CHD7: variants seen among roughly 807,000 people sequenced by gnomAD.
CHD7 encodes ATP-dependent chromatin remodeler CHD7.
CHD7 carries 24 observed loss-of-function variants against 307.3 expected under a neutral mutation model. That is an observed-to-expected ratio of 0.08 (90% CI 0.06 to 0.11). CHD7 has a LOEUF of 0.11. Ranked by LOEUF, CHD7 falls within the 10% of genes least tolerant of loss-of-function variation. The pLI is 1.00. For synonymous variants in CHD7, 1,363 were observed against 1,349.9 expected, an observed-to-expected ratio of 1.01 and a Z score of -0.21; for missense variants, 3,106 against 3,727.1, an observed-to-expected ratio of 0.83 and a Z score of 4.34.
intron 2 of CHD7, among the ~76,000 whole-genome samples, chr8:60,773,887 G>A (rs1378381085): frequency 1.3e-5 from 2 of 152,196 alleles, no homozygotes; most frequent in African/African-American, 4.8e-5. Flanking sequence ...AAAGGTTAGT[G>A]ATTCTCTACA....
chr8:60,844,800 C>T, intron 21 of CHD7, 64 bp from the exon 22 acceptor site: 1 of 1,391,378 alleles, frequency 7.2e-7, no homozygotes, highest in South Asian at 1.5e-5. Flanking sequence ...TGGTACCTGA[C>T]TTAAAGTAAA....
rs887547990 is a variant in CHD7, at chr8:60,851,938, T to G, written c.5666-81T>G. 4.4e-6 allele frequency: 4 copies of G among 911,484 alleles called. No individual in the cohort carries two copies. In the African/African-American group the frequency reaches 5.0e-5, roughly 11 times the overall value. 56.5% of individuals were successfully genotyped at this position (911,484 alleles called of 1,614,324 possible). On this transcript the variant is annotated intron_variant, in intron 28 of 37. Transcript: ENST00000423902. ...TCCCACACTGTCATTTGAATCTTAATGAGTCATCCTGTTTTGTTGGAATAC... is the reference window on the plus strand; with the variant it reads ...TCCCACACTGTCATTTGAATCTTAAGGAGTCATCCTGTTTTGTTGGAATAC...
rs1219428295 is a variant in CHD7 at position 60,781,464 on chromosome 8, A to C, written c.2096+34A>C. ...TGGGCAGAAAAAACAACTGCAAAAC[A>C]TTGAGAGTACAGAAATTAGCGCCAA... On this transcript the variant is annotated intron_variant, in intron 3 of 37. Transcript: ENST00000423902. The C allele has an allele frequency of 4.0e-6, 6 of 1,498,800 alleles. No homozygotes were observed. In the Admixed American group the frequency reaches 1.1e-4, roughly 28 times the overall value. 92.8% of individuals were successfully genotyped at this position (1,498,800 alleles called of 1,614,324 possible). A position where few individuals can be genotyped will look rare whatever the true frequency, so the allele number is the denominator to read the frequency against.
At chr8:60,834,005 A>AT (rs1804639286) in intron 15 of CHD7, among the ~76,000 whole-genome samples, 1 of 152,250 alleles carries the variant, frequency 6.6e-6, no homozygotes, top group African/African-American at 2.4e-5. Context: ...ACCTGAATTC[A>AT]TAACAGAGAG....
Position 60,819,223 on chromosome 8 carries a change from G to C in CHD7, c.2614-784G>C, listed in dbSNP as rs201521739. Among the ~76,000 whole-genome samples, 31 of 152,318 alleles carry C rather than the reference G, an allele frequency of 2.0e-4. No individual in the cohort carries two copies. In the East Asian group the frequency reaches 4.6e-3, roughly 23 times the overall value. On this transcript the variant is annotated intron_variant, in intron 8 of 37. Transcript: ENST00000423902. ...CTGCCTTGGCCTCCCAAAGTGCTGAGATTACAGGCGTGAGTCACTGTGCCC... is the reference window on the plus strand; with the variant it reads ...CTGCCTTGGCCTCCCAAAGTGCTGACATTACAGGCGTGAGTCACTGTGCCC...
At chr8:60,688,357 T>C (rs1056965088) in intron 1 of CHD7, among the ~76,000 whole-genome samples, 7 of 152,368 alleles carry the variant, frequency 4.6e-5, no homozygotes, top group Non-Finnish European at 8.8e-5. Context: ...GTTACTATTT[T>C]TATTAGTTCA....
chr8:60,793,312 C>T (rs563785612), intron 3 of CHD7, among the ~76,000 whole-genome samples: 4 of 151,918 alleles, frequency 2.6e-5, no homozygotes, highest in Admixed American at 1.3e-4. Context: ...TTTTAGAGCA[C>T]GGCCTTTTTT....
Position 60,856,621 on chromosome 8 carries a change from C to T in CHD7, c.7341C>T (p.Ala2447=), listed in dbSNP as rs1805728434. Residue 2447 remains alanine, a synonymous_variant, in exon 34 of 38, where the codon GCC becomes GCT. Coordinates refer to ENST00000423902, the MANE Select transcript of CHD7 (RefSeq NM_017780.4). ...GQEKVVDLSK[A]SREATSSTSN... is the part of the protein sequence containing the mutation. ...AAAAAGTTGTAGATTTATCAAAGGCCTCAAGAGAGGCAACAAGCTCTACCT... is the reference window on the plus strand; with the variant it reads ...AAAAAGTTGTAGATTTATCAAAGGCTTCAAGAGAGGCAACAAGCTCTACCT... 6.2e-7 allele frequency: 1 copy of T among 1,613,918 alleles called. No homozygotes were observed. The highest frequency in any genetic ancestry group is 1.3e-5 in the African/African-American group (1 of 74,932).
chr8:60,686,527 G>T (rs1805900693), intron 1 of CHD7, among the ~76,000 whole-genome samples: 1 of 152,204 alleles, frequency 6.6e-6, no homozygotes, highest in Non-Finnish European at 1.5e-5. Context: ...TTTGGGGCCT[G>T]CCTTCTCTCC....
At chr8:60,773,401 G>A (rs1810805682) in intron 2 of CHD7, among the ~76,000 whole-genome samples, 1 of 152,160 alleles carries the variant, frequency 6.6e-6, no homozygotes, top group Admixed American at 6.5e-5. Context: ...CATCATTCAA[G>A]TCTTGTATAA....
chr8:60,758,608 T>C (rs1679963561), intron 2 of CHD7, among the ~76,000 whole-genome samples: 1 of 152,230 alleles, frequency 6.6e-6, no homozygotes, highest in Non-Finnish European at 1.5e-5. Context: ...TGGCTCACTT[T>C]ATTTCAAGAG....
At chr8:60,801,260 A>G (rs772633836) in intron 5 of CHD7, among the ~76,000 whole-genome samples, 5 of 152,174 alleles carry the variant, frequency 3.3e-5, no homozygotes, top group Admixed American at 6.5e-5. Context: ...TGGTGGCTAG[A>G]ATTTCTGATT....
chr8:60,752,101 A>G (rs534251482), intron 2 of CHD7, among the ~76,000 whole-genome samples: 1 of 152,292 alleles, frequency 6.6e-6, no homozygotes, highest in East Asian at 1.9e-4. Flanking sequence ...TTTAGTTCTA[A>G]ATCATTCTGT....
chr8:60,841,599 C>A, intron 19 of CHD7, 45 bp from the exon 20 acceptor site: 1 of 1,448,012 alleles, frequency 6.9e-7, no homozygotes, highest in Non-Finnish European at 9.7e-7. Flanking sequence ...CATTCTGCTT[C>A]TGAGAAAGGC....
chr8:60,741,457 CT>C lies in CHD7; in HGVS notation c.30del (p.Phe10LeufsTer25). Reference sequence around the variant, plus strand: ...GATGGCAGATCCAGGAATGATGAGTCTTTTTGGCGAGGATGGGAATATTTTC... The same window carrying C: ...GATGGCAGATCCAGGAATGATGAGTCTTTTGGCGAGGATGGGAATATTTTC... MADPGMMS[L>X]FGEDGNIFSE... On this transcript the variant is annotated frameshift_variant, in exon 2 of 38. Transcript: ENST00000423902. LOFTEE classifies it high-confidence loss of function. The C allele has an allele frequency of 6.2e-7, 1 of 1,609,034 alleles. No individual in the cohort carries two copies.
At position 60,820,048 on chromosome 8, in the gene CHD7, C is replaced by T; in HGVS notation, c.2655C>T (p.Asp885=). The part of the protein sequence containing the change: ...ELFNPDYVEV[D]RIMDFARSTD... ...TTAATCCAGATTATGTGGAGGTTGA[C>T]CGGATAATGGACTTTGCACGTAGCA... The change falls in exon 9 of 38, where the codon GAC becomes GAT. Residue 885 remains aspartate (D), a synonymous_variant. Coordinates refer to ENST00000423902, the MANE Select transcript of CHD7 (RefSeq NM_017780.4). The T allele has an allele frequency of 1.2e-6, 2 of 1,610,762 alleles. No individual in the cohort carries two copies. The highest frequency in any genetic ancestry group is 1.7e-6 in the Non-Finnish European group (2 of 1,178,460).
intron 1 of CHD7, among the ~76,000 whole-genome samples, chr8:60,740,654 AC>A (rs1411954428): frequency 6.6e-6 from 1 of 152,256 alleles, no homozygotes; most frequent in Non-Finnish European, 1.5e-5. Flanking sequence ...CATTATGAAC[AC>A]TTTCTTGTTA....
intron 2 of CHD7, among the ~76,000 whole-genome samples, chr8:60,749,322 G>A (rs55761113): frequency 1.1e-3 from 130 of 115,128 alleles, no homozygotes; most frequent in African/African-American, 4.1e-3. Context: ...GGTGAGCCAA[G>A]ATCATGCCAC....
In CHD7 at chr8:60,742,464, A is replaced by T; in HGVS notation, c.1032A>T (p.Val344=). The T allele has an allele frequency of 6.2e-7, 1 of 1,614,050 alleles. No homozygotes were observed. The change falls in exon 2 of 38, where the codon GTA becomes GTT. Residue 344 remains valine, a synonymous_variant. Transcript: ENST00000423902. ...ATAATACTCCAATGAATCAGTCCGT[A>T]CCAAGATACCCCAATGCTGTAGGAT... ...LTNNTPMNQS[V]PRYPNAVGFP...
Sources: gnomAD v4.1 joint callset for allele counts (sites outside exome capture counted in the v4.1 genomes callset) on GRCh38, gnomAD v4.1.1 for gene constraint, MANE v1.5 for transcripts, NCBI Gene and HGNC (gene_info 2026-07-23, HGNC 2026-07-21) for gene names.